RYR3: variants seen among roughly 807,000 people sequenced by gnomAD.
RYR3 encodes the protein ryanodine receptor 3, also known as brain ryanodine receptor-calcium release channel.
RYR3 carries 207 observed loss-of-function variants against 584.3 expected under a neutral mutation model. That is an observed-to-expected ratio of 0.35 (90% CI 0.32 to 0.40). RYR3 has a LOEUF of 0.40. Ranked by LOEUF, RYR3 falls within the 10% of genes least tolerant of loss-of-function variation. RYR3 has a pLI of 1.00. For missense variants in RYR3, 5,616 were observed against 6,089.2 expected (o/e 0.92, Z 2.59); for synonymous variants, 2,416 against 2,248.5 (o/e 1.07, Z -2.11).
intron 33 of RYR3, 68 bp from the exon 34 acceptor site, chr15:33,660,129 T>C: frequency 9.0e-7 from 1 of 1,109,176 alleles, no homozygotes; most frequent in African/African-American, 1.5e-5. Flanking sequence ...CCATATCGGT[T>C]AAAATGTCTG....
At chr15:33,516,485 A>G (rs1213862420) in intron 3 of RYR3, among the ~76,000 whole-genome samples, 3 of 151,988 alleles carry the variant, frequency 2.0e-5, no homozygotes, top group African/African-American at 7.3e-5. Context: ...CTGGGATTAC[A>G]GATGCCCACC....
intron 87 of RYR3, among the ~76,000 whole-genome samples, chr15:33,835,305 C>T (rs1488714677): frequency 1.8e-5 from 1 of 55,536 alleles, no homozygotes; most frequent in Non-Finnish European, 3.4e-5. Context: ...CTTTGTGTCT[C>T]ACCAACCTAC....
intron 74 of RYR3, among the ~76,000 whole-genome samples, chr15:33,816,419 G>A (rs763129614): frequency 2.0e-5 from 3 of 152,190 alleles, no homozygotes; most frequent in South Asian, 2.1e-4. Flanking sequence ...CCACATTTTG[G>A]TATTTTGGTA....
intron 4 of RYR3, among the ~76,000 whole-genome samples, chr15:33,532,316 C>A (rs538504945): frequency 6.6e-6 from 1 of 152,144 alleles, no homozygotes; most frequent in African/African-American, 2.4e-5. Context: ...AGAAAAAGAA[C>A]CATTATTTTG....
At chr15:33,664,599 A>ATATATATATATATG (rs2063379176) in intron 36 of RYR3, among the ~76,000 whole-genome samples, 2 of 127,296 alleles carry the variant, frequency 1.6e-5, no homozygotes, top group African/African-American at 7.1e-5. Context: ...GTATATATAT[A>ATATATATATATATG]TATATATATA....
At chr15:33,549,004 A>G (rs1291546244) in intron 9 of RYR3, among the ~76,000 whole-genome samples, 1 of 152,158 alleles carries the variant, frequency 6.6e-6, no homozygotes, top group Non-Finnish European at 1.5e-5. Context: ...GCTCCTGAAG[A>G]TAATCCATTG....
chr15:33,532,165 A>C (rs990792669), intron 4 of RYR3, among the ~76,000 whole-genome samples: 4 of 152,174 alleles, frequency 2.6e-5, no homozygotes, highest in South Asian at 2.1e-4. Flanking sequence ...CTTAGAAAGC[A>C]CATCCCAAGA....
At chr15:33,564,886 C>A (rs1227903744) in intron 11 of RYR3, among the ~76,000 whole-genome samples, 34 of 152,202 alleles carry the variant, frequency 2.2e-4, no homozygotes, top group Non-Finnish European at 2.9e-5. Context: ...TACACTGCTT[C>A]ATTTCCTAAG....
intron 3 of RYR3, among the ~76,000 whole-genome samples, chr15:33,522,794 G>A (rs150682755): frequency 9.3e-4 from 142 of 152,274 alleles, no homozygotes; most frequent in African/African-American, 3.2e-3. Flanking sequence ...TTCTCTGGCT[G>A]TGACTCCTCA....
intron 41 of RYR3, 47 bp from the exon 42 acceptor site, chr15:33,700,926 CTGAG>C (rs2066254659): frequency 2.2e-6 from 3 of 1,364,792 alleles, no homozygotes; most frequent in African/African-American, 1.4e-5. Context: ...CAGCTCAGCA[CTGAG>C]TGTCTTCCTC....
chr15:33,541,093 C>CT (rs879425950), intron 7 of RYR3, among the ~76,000 whole-genome samples: 10 of 149,490 alleles, frequency 6.7e-5, no homozygotes, highest in East Asian at 2.0e-4. Flanking sequence ...CATCCCTGAA[C>CT]TTTTTTTTTT....
At chr15:33,576,744 G>A (rs1191676146) in intron 12 of RYR3, among the ~76,000 whole-genome samples, 4 of 152,070 alleles carry the variant, frequency 2.6e-5, no homozygotes, top group African/African-American at 4.8e-5. Context: ...CCTGTTTAAC[G>A]TAGTGTTGGA....
intron 2 of RYR3, among the ~76,000 whole-genome samples, chr15:33,496,204 G>C (rs2051406069): frequency 6.6e-6 from 1 of 152,206 alleles, no homozygotes; most frequent in Non-Finnish European, 1.5e-5. Context: ...AGTCAGCCCT[G>C]TTTGAGGTGA....
intron 2 of RYR3, among the ~76,000 whole-genome samples, chr15:33,489,309 G>A (rs765043992): frequency 9.2e-5 from 14 of 152,098 alleles, no homozygotes; most frequent in Non-Finnish European, 1.6e-4. Flanking sequence ...CATCATCCAG[G>A]TATTAAGCCC....
chr15:33,703,042 A>G (rs377065828), intron 42 of RYR3, among the ~76,000 whole-genome samples: 3 of 152,302 alleles, frequency 2.0e-5, no homozygotes, highest in East Asian at 3.9e-4. Context: ...CACAGAACAC[A>G]GATTTACCAC....
intron 40 of RYR3, among the ~76,000 whole-genome samples, chr15:33,698,641 A>G (rs2066036734): frequency 6.8e-6 from 1 of 147,388 alleles, no homozygotes; most frequent in Admixed American, 6.8e-5. Context: ...CTAGGAAGGG[A>G]TGATTTCTGG....
chr15:33,813,367 CA>C, intron 73 of RYR3, 99 bp from the exon 74 acceptor site: 1 of 1,075,596 alleles, frequency 9.3e-7, no homozygotes, highest in Non-Finnish European at 1.4e-6. Context: ...GTTGAGAAGC[CA>C]AAATTCTTCC....
At chr15:33,753,585 A>T (rs1283391703) in intron 57 of RYR3, among the ~76,000 whole-genome samples, 1 of 152,196 alleles carries the variant, frequency 6.6e-6, no homozygotes, top group African/African-American at 2.4e-5. Context: ...TAAAAGAAAC[A>T]TTTACTGAGC....
chr15:33,827,290 G>C lies in RYR3; in HGVS notation c.11334+3G>C. 1.3e-6 allele frequency: 2 copies of C among 1,552,570 alleles called. No homozygotes were observed. The highest frequency in any genetic ancestry group is 1.7e-6 in the Non-Finnish European group (2 of 1,147,524). Reference sequence around the variant, plus strand: ...TGGACTACCTTCTGCGTCTGCAGGTGAGTGGGAGGGCCTTGGACAATGGGA... The same window carrying C: ...TGGACTACCTTCTGCGTCTGCAGGTCAGTGGGAGGGCCTTGGACAATGGGA... On this transcript the variant is annotated splice_donor_region_variant and intron_variant, in intron 85 of 103. Transcript: ENST00000634891.
Sources: gnomAD v4.1 joint callset for allele counts (sites outside exome capture counted in the v4.1 genomes callset) on GRCh38, gnomAD v4.1.1 for gene constraint, MANE v1.5 for transcripts, NCBI Gene and HGNC (gene_info 2026-07-23, HGNC 2026-07-21) for gene names.